The following MYOM1 variants were observed in gnomAD, a reference collection of about 807,000 sequenced individuals.
MYOM1 encodes the protein myomesin-1.
In MYOM1, 164 loss-of-function variants were observed where a neutral mutation model predicts 205.3. The observed-to-expected ratio is 0.80, with a 90% confidence interval of 0.70 to 0.91. The LOEUF is 0.91. Ranked by LOEUF, MYOM1 falls within the 40% of genes least tolerant of loss-of-function variation. MYOM1 has a pLI of 0.00. For synonymous variants in MYOM1, 772 were observed against 789.4 expected (o/e 0.98, Z 0.37); for missense variants, 2,011 against 2,127.3 (o/e 0.95, Z 1.08).
At position 3,174,120 on chromosome 18, in the gene MYOM1, T is replaced by C. The variant is rs746477848; in HGVS notation, c.1111A>G (p.Arg371Gly). The change falls in exon 7 of 38, where the codon AGG becomes GGG. Residue 371 changes from arginine (R) to glycine (G), a missense_variant and splice_region_variant. Physicochemically the swap from Arg to Gly is moderately radical, Grantham distance 125. Transcript: ENST00000356443. The stretch of plus-strand genomic sequence containing the variant: ...AAGAAAACAAATCTAGCAAACCTAC[T>C]TTTTACCACAACTGAAGCATATGCC... ...LSAYASVVVK[R>G]YKGEFDETRF... 4 of 1,613,838 alleles carry C rather than the reference T, an allele frequency of 2.5e-6. No individual in the cohort carries two copies. Among genetic ancestry groups the C allele is most frequent in the Non-Finnish European group, 3.4e-6 (4 of 1,179,842 alleles).
chr18:3,222,440 C>G (rs957283935), upstream of MYOM1, among the ~76,000 whole-genome samples: 7 of 152,300 alleles, frequency 4.6e-5, no homozygotes, highest in South Asian at 4.1e-4. Flanking sequence ...TAAACTCTTG[C>G]TTTCACAGGG....
intron 1 of MYOM1, among the ~76,000 whole-genome samples, chr18:3,215,594 C>T (rs1022603497): frequency 2.0e-5 from 3 of 152,078 alleles, no homozygotes; most frequent in Non-Finnish European, 4.4e-5. Flanking sequence ...GAGCAAGACA[C>T]TGTCTAAAAA....
chr18:3,076,089 G>A (rs2079018398), intron 34 of MYOM1, among the ~76,000 whole-genome samples: 3 of 152,024 alleles, frequency 2.0e-5, no homozygotes, highest in Non-Finnish European at 1.5e-5. Context: ...TTTTTGAGAC[G>A]GAGTCTTGCT....
At chr18:3,075,696 A>C in intron 35 of MYOM1, 29 bp downstream of exon 35, 1 of 1,600,112 alleles carries the variant, frequency 6.2e-7, no homozygotes, top group Non-Finnish European at 8.5e-7. Flanking sequence ...AGTGCATGCA[A>C]GTGGCATTTG....
intron 19 of MYOM1, among the ~76,000 whole-genome samples, chr18:3,124,902 C>G (rs1005616812): frequency 7.9e-5 from 12 of 152,102 alleles, no homozygotes; most frequent in African/African-American, 2.2e-4. Flanking sequence ...AAATTAAAGT[C>G]AGAGAAGATG....
In MYOM1 at chr18:3,135,405, T is replaced by C. The variant is rs1437874607; in HGVS notation, c.2209+142A>G. ...ACAAAAATAATGAATTTTTGTTTAA[T>C]GTATAGGTTAAGTACAGCCATCGAG... On this transcript the variant is annotated intron_variant, in intron 15 of 37. Transcript: ENST00000356443. The surrounding 1 kb of genome is among the most constrained non-coding windows in gnomAD (Gnocchi z 4.1). 5 of 656,278 alleles carry C rather than the reference T, an allele frequency of 7.6e-6. No homozygotes were observed. The highest frequency in any genetic ancestry group is 2.9e-5 in the East Asian group (1 of 34,778). 40.7% of individuals were successfully genotyped at this position (656,278 alleles called of 1,614,324 possible).
In MYOM1 at chr18:3,134,710, G is replaced by T. The variant is rs765961982; in HGVS notation, c.2324C>A (p.Ala775Glu). The change falls in exon 16 of 38, where the codon GCG becomes GAG. Residue 775 changes from alanine to glutamate, a missense_variant. Coordinates refer to ENST00000356443, the MANE Select transcript of MYOM1 (RefSeq NM_003803.4). The part of the protein sequence containing the change: ...AKELVGYYIE[A>E]SVAGSGKWEP... ...CCACTTGCCAGAGCCAGCAACGCTC[G>T]CCTCTATGTAGTACCCGACCAGCTC... 6.2e-5 allele frequency: 100 copies of T among 1,613,728 alleles called. No individual in the cohort carries two copies. The highest frequency in any genetic ancestry group is 8.1e-5 in the Non-Finnish European group (95 of 1,179,856).
At chr18:3,239,769 A>C in the MYOM1 span, among the ~76,000 whole-genome samples, 1 of 150,440 alleles carries the variant, frequency 6.6e-6, no homozygotes, top group Non-Finnish European at 1.5e-5. Flanking sequence ...AAAAAAAAAA[A>C]AAAAAAAAAA....
At chr18:3,227,550 G>A in the MYOM1 span, among the ~76,000 whole-genome samples, 1 of 152,114 alleles carries the variant, frequency 6.6e-6, no homozygotes, top group Non-Finnish European at 1.5e-5. Flanking sequence ...CGGGCGCGGT[G>A]GCTCACACCT....
chr18:3,160,862 C>T (rs1382498239), intron 10 of MYOM1, among the ~76,000 whole-genome samples: 2 of 152,070 alleles, frequency 1.3e-5, no homozygotes, highest in Non-Finnish European at 1.5e-5. Context: ...TAGTTAGTAA[C>T]GTGGAGTCTG....
Position 3,079,247 on chromosome 18 carries a change from C to A in MYOM1, c.4580G>T (p.Gly1527Val), listed in dbSNP as rs1411286868. The A allele has an allele frequency of 5.0e-6, 8 of 1,613,790 alleles. No individual in the cohort carries two copies. The African/African-American group carries it at 9.3e-5, about 19-fold the overall frequency. ...QINEPTPNDK[G>V]KYVMELFDGK... is the part of the protein sequence containing the mutation. Reference sequence around the variant, plus strand: ...ATCAAAGAGCTCCATGACATACTTCCCTTTGTCATTCGGGGTGGGCTCGTT... The same window carrying A: ...ATCAAAGAGCTCCATGACATACTTCACTTTGTCATTCGGGGTGGGCTCGTT... Residue 1527 changes from glycine (G) to valine (V), a missense_variant, in exon 34 of 38, where the codon GGG becomes GTG. Gly to Val is a moderately radical substitution (Grantham distance 109). Transcript: ENST00000356443.
At chr18:3,090,207 T>C (rs2079203753) in intron 27 of MYOM1, among the ~76,000 whole-genome samples, 1 of 148,020 alleles carries the variant, frequency 6.8e-6, no homozygotes. Context: ...AAGTATTAAC[T>C]GAAAACTGTA....
chr18:3,090,220 T>TC (rs1343901819), intron 27 of MYOM1, among the ~76,000 whole-genome samples: 1 of 147,236 alleles, frequency 6.8e-6, no homozygotes, highest in African/African-American at 2.5e-5. Flanking sequence ...AAACTGTATT[T>TC]TTTTTTTTTT....
intron 1 of MYOM1, among the ~76,000 whole-genome samples, chr18:3,215,737 C>CT (rs558697640): frequency 6.6e-6 from 1 of 152,060 alleles, no homozygotes; most frequent in African/African-American, 2.4e-5. Context: ...GTCATTGTAC[C>CT]TTTTTTTAAA....
In MYOM1 at chr18:3,079,267, C is replaced by T. The variant is rs1383869619; in HGVS notation, c.4560G>A (p.Glu1520=). 6.2e-7 allele frequency: 1 copy of T among 1,613,840 alleles called. No homozygotes were observed. Among genetic ancestry groups the T allele is most frequent in the African/African-American group, 1.3e-5 (1 of 74,918 alleles). ...TGEQIWLQIN[E]PTPNDKGKYV... ...ACTTCCCTTTGTCATTCGGGGTGGG[C>T]TCGTTGATTTGTAGCCAGATCTGCT... Residue 1520 remains glutamate, a synonymous_variant, in exon 34 of 38, where the codon GAG becomes GAA. Transcript: ENST00000356443.
upstream of MYOM1, among the ~76,000 whole-genome samples, chr18:3,221,091 G>GCT (rs2081325035): frequency 6.6e-6 from 1 of 152,132 alleles, no homozygotes; most frequent in Admixed American, 6.5e-5. Flanking sequence ...TGCAGTCTTG[G>GCT]CTCACTGCAA....
chr18:3,210,520 T>C (rs1030751068), intron 2 of MYOM1, among the ~76,000 whole-genome samples: 1 of 152,190 alleles, frequency 6.6e-6, no homozygotes, highest in Non-Finnish European at 1.5e-5. Flanking sequence ...TATGTCTGAT[T>C]CTAAATAGTG....
At position 3,126,580 on chromosome 18, in the gene MYOM1, A is replaced by C. The variant is rs111490133; in HGVS notation, c.2991+121T>G. On this transcript the variant is annotated intron_variant, in intron 19 of 37. Coordinates refer to ENST00000356443, the MANE Select transcript of MYOM1 (RefSeq NM_003803.4). ...TTTCACAAGACTCATGCCACTGCAG[A>C]CAATGGACTCTGGAGAAATGACGTG... The C allele has an allele frequency of 5.8e-6, 5 of 858,162 alleles. No individual in the cohort carries two copies. In the African/African-American group the frequency reaches 6.8e-5, roughly 12 times the overall value. 53.2% of individuals were successfully genotyped at this position (858,162 alleles called of 1,614,324 possible). A position where few individuals can be genotyped will look rare whatever the true frequency, so the allele number is the denominator to read the frequency against.
At chr18:3,105,302 G>C (rs1277596186) in intron 22 of MYOM1, among the ~76,000 whole-genome samples, 1 of 152,108 alleles carries the variant, frequency 6.6e-6, no homozygotes, top group Non-Finnish European at 1.5e-5. Flanking sequence ...TTAAATAAAG[G>C]TGATACTTAC....
Sources: allele counts gnomAD v4.1 joint callset (sites outside exome capture counted in the v4.1 genomes callset), GRCh38; gene constraint gnomAD v4.1.1; non-coding constraint Gnocchi (gnomAD v3.1); transcripts MANE v1.5; gene names NCBI Gene and HGNC (gene_info 2026-07-23, HGNC 2026-07-21).